CA6: variants seen among roughly 807,000 people sequenced by gnomAD.
CA6 encodes the protein carbonic anhydrase 6, also known as carbonate dehydratase VI.
In CA6, 28 loss-of-function variants were observed where a neutral mutation model predicts 35.9. That is an observed-to-expected ratio of 0.78 (90% CI 0.58 to 1.07). The LOEUF (loss-of-function observed/expected upper bound fraction) is 1.07. Ranked by LOEUF, CA6 falls within the 50% of genes least tolerant of loss-of-function variation. The pLI, the probability that CA6 is intolerant of heterozygous loss-of-function variation, is 0.00. For synonymous variants in CA6, 148 were observed against 152.6 expected, an observed-to-expected ratio of 0.97 and a Z score of 0.22; for missense variants, 377 against 382.0, an observed-to-expected ratio of 0.99 and a Z score of 0.11.
rs763805468 is a variant in CA6, at chr1:8,949,282, G to A, written c.99G>A (p.Ala33=). 2.7e-5 allele frequency: 43 copies of A among 1,606,232 alleles called. No individual in the cohort carries two copies. The African/African-American group carries it at 2.8e-4, about 11-fold the overall frequency. Residue 33 remains alanine, a synonymous_variant, in exon 2 of 8, where the codon GCG becomes GCA. Coordinates refer to ENST00000377443, the MANE Select transcript of CA6 (RefSeq NM_001215.4). ...TCTTAGAAGGGGCACTGGACGAAGC[G>A]CACTGGCCACAGCACTACCCCGCCT... The part of the protein sequence containing the change: ...WTYSEGALDE[A]HWPQHYPACG...
intron 4 of CA6, among the ~76,000 whole-genome samples, chr1:8,959,220 G>T (rs1239165072): frequency 3.3e-5 from 5 of 152,144 alleles, no homozygotes; most frequent in Non-Finnish European, 5.9e-5. Context: ...ACTTAAAAGA[G>T]CTGGAATCCC....
At chr1:8,972,623 C>A (rs1640139047) in intron 7 of CA6, among the ~76,000 whole-genome samples, 1 of 152,052 alleles carries the variant, frequency 6.6e-6, no homozygotes, top group Non-Finnish European at 1.5e-5. Flanking sequence ...GCGGAGCTTG[C>A]AGTGAGCCGA....
chr1:8,969,051 C>T (rs942781125), intron 6 of CA6, among the ~76,000 whole-genome samples: 1 of 148,692 alleles, frequency 6.7e-6, no homozygotes, highest in African/African-American at 2.5e-5. Context: ...CACGGTGGCT[C>T]AAGCCTGTAA....
intron 2 of CA6, among the ~76,000 whole-genome samples, chr1:8,955,237 A>G (rs1403860022): frequency 6.6e-6 from 1 of 152,086 alleles, no homozygotes; most frequent in Admixed American, 6.5e-5. Flanking sequence ...TTAGCTGGAC[A>G]TGGTGGTGTG....
intron 5 of CA6, among the ~76,000 whole-genome samples, chr1:8,966,701 G>C (rs897986284): frequency 6.6e-6 from 1 of 152,194 alleles, no homozygotes; most frequent in Non-Finnish European, 1.5e-5. Context: ...AGTGCTCAGG[G>C]AAAGTGAAGC....
chr1:8,967,854 C>T (rs1306941392), intron 6 of CA6, 38 bp downstream of exon 6: 9 of 1,594,856 alleles, frequency 5.6e-6, no homozygotes, highest in African/African-American at 1.3e-5. Context: ...TCTTCCCATT[C>T]GATTGCCTGG....
At chr1:8,971,213 G>A (rs1267498471) in intron 7 of CA6, among the ~76,000 whole-genome samples, 1 of 152,032 alleles carries the variant, frequency 6.6e-6, no homozygotes, top group African/African-American at 2.4e-5. Flanking sequence ...CGACAGCTAC[G>A]TGATTTATTA....
At chr1:8,964,205 C>T (rs1639911540) in intron 5 of CA6, among the ~76,000 whole-genome samples, 1 of 152,178 alleles carries the variant, frequency 6.6e-6, no homozygotes, top group Non-Finnish European at 1.5e-5. Context: ...TCCTTTCCTG[C>T]TATTCTCTCC....
At chr1:8,954,365 A>T (rs1251193797) in intron 2 of CA6, among the ~76,000 whole-genome samples, 4 of 152,192 alleles carry the variant, frequency 2.6e-5, no homozygotes, top group Non-Finnish European at 5.9e-5. Flanking sequence ...GGGTTTCGCC[A>T]TGTCGGCCAG....
intron 2 of CA6, among the ~76,000 whole-genome samples, chr1:8,955,663 C>G (rs1035115254): frequency 6.6e-6 from 1 of 152,120 alleles, no homozygotes; most frequent in African/African-American, 2.4e-5. Context: ...AAGGCCCTTC[C>G]GTCCTTTTCT....
intron 2 of CA6, 84 bp from the exon 3 acceptor site, chr1:8,957,053 G>A: frequency 8.0e-7 from 1 of 1,246,260 alleles, no homozygotes; most frequent in Non-Finnish European, 1.1e-6. Context: ...ACAGGTGGGA[G>A]GTGAGCAGAG....
At chr1:8,970,183 C>A (rs1166052087) in intron 6 of CA6, among the ~76,000 whole-genome samples, 1 of 125,532 alleles carries the variant, frequency 8.0e-6, no homozygotes. Context: ...TCCAGCCTGG[C>A]GACAGAGCGA....
In CA6 at chr1:8,973,445, C is replaced by T. The variant is rs116760361; in HGVS notation, c.845-1177C>T. Among the ~76,000 whole-genome samples, 1,393 of 152,324 alleles carry T rather than the reference C, an allele frequency of 9.1e-3. 21 individuals are homozygous for T. Among genetic ancestry groups the T allele is most frequent in the African/African-American group, 0.032 (1,321 of 41,568 alleles). On this transcript the variant is annotated intron_variant, in intron 7 of 7. Coordinates refer to ENST00000377443, the MANE Select transcript of CA6 (RefSeq NM_001215.4). ...TGCCACATCTGAAATGCTTTTTCCA[C>T]TACAGCGTCACTCTAGCATCTCCTC...
chr1:8,967,622 TC>T (rs1339860546), intron 5 of CA6, 36 bp from the exon 6 acceptor site: 1 of 1,602,600 alleles, frequency 6.2e-7, no homozygotes, highest in African/African-American at 1.3e-5. Context: ...GCAGCGCTGG[TC>T]CCTGACATTC....
intron 5 of CA6, 53 bp from the exon 6 acceptor site, chr1:8,967,606 C>A (rs563477191): frequency 1.3e-6 from 2 of 1,537,944 alleles, no homozygotes; most frequent in Non-Finnish European, 1.8e-6. Flanking sequence ...GCTGTCCTCC[C>A]GAGGGGCAGC....
chr1:8,959,804 C>A (rs894585357), intron 4 of CA6, among the ~76,000 whole-genome samples: 2 of 151,518 alleles, frequency 1.3e-5, no homozygotes, highest in African/African-American at 4.9e-5. Context: ...TGGTGGCAGG[C>A]GCCTGTAATT....
intron 2 of CA6, among the ~76,000 whole-genome samples, chr1:8,950,203 G>A (rs1337495904): frequency 6.6e-6 from 1 of 151,892 alleles, no homozygotes; most frequent in Non-Finnish European, 1.5e-5. Context: ...GGCTGGTCTG[G>A]AACTCCTGAC....
chr1:8,958,113 C>T (rs1400701859), intron 3 of CA6, among the ~76,000 whole-genome samples: 1 of 152,152 alleles, frequency 6.6e-6, no homozygotes, highest in African/African-American at 2.4e-5. Flanking sequence ...CTTCACAGCC[C>T]ACAGGGTGTG....
intron 4 of CA6, among the ~76,000 whole-genome samples, chr1:8,959,931 CAAAA>C (rs373250863): frequency 1.3e-5 from 1 of 75,182 alleles, no homozygotes; most frequent in Non-Finnish European, 2.4e-5. Context: ...GATTCTATCT[CAAAA>C]AAAAAAAAAA....
Sources: allele counts gnomAD v4.1 joint callset (sites outside exome capture counted in the v4.1 genomes callset), GRCh38; gene constraint gnomAD v4.1.1; transcripts MANE v1.5; gene names NCBI Gene and HGNC (gene_info 2026-07-23, HGNC 2026-07-21).